ERC1: variants seen among roughly 807,000 people sequenced by gnomAD.
The protein encoded by ERC1 is RAB6 interacting protein 2.
ERC1 carries 56 observed loss-of-function variants against 132.0 expected under a neutral mutation model. The ratio of observed to expected loss-of-function variants is 0.42; its 90% CI spans 0.34 to 0.53. ERC1 has a LOEUF of 0.53. Among genes scored for constraint, ERC1 ranks in the 20% least tolerant of loss-of-function variants. The probability of loss-of-function intolerance (pLI) is 0.03; values close to 1 mark genes in which losing one functional copy is unlikely to be tolerated. For missense variants in ERC1, 1,202 were observed against 1,349.9 expected (o/e 0.89, Z 1.72); for synonymous variants, 478 against 476.1 (o/e 1.00, Z -0.05).
intron 13 of ERC1, among the ~76,000 whole-genome samples, chr12:1,258,123 A>G (rs753050879): frequency 6.6e-6 from 1 of 152,192 alleles, no homozygotes; most frequent in African/African-American, 2.4e-5. Context: ...AACAACAGGT[A>G]TGATTTTCTC....
chr12:1,190,562 A>G (rs1054002847), intron 12 of ERC1, among the ~76,000 whole-genome samples: 1 of 152,180 alleles, frequency 6.6e-6, no homozygotes, highest in Non-Finnish European at 1.5e-5. Flanking sequence ...CTTTGAGGAC[A>G]ATTTAGGAGC....
intron 16 of ERC1, among the ~76,000 whole-genome samples, chr12:1,391,914 T>G (rs1021954904): frequency 2.0e-5 from 3 of 152,362 alleles, no homozygotes; most frequent in Non-Finnish European, 2.9e-5. Flanking sequence ...TCCAGGGAGC[T>G]GCAGGTCACA....
chr12:1,228,996 C>T (rs1043068438), intron 12 of ERC1, among the ~76,000 whole-genome samples: 1 of 152,050 alleles, frequency 6.6e-6, no homozygotes, highest in African/African-American at 2.4e-5. Context: ...CCTTATCTGG[C>T]CTTGGTATAA....
At chr12:1,031,616 C>T (rs80183365) in intron 2 of ERC1, among the ~76,000 whole-genome samples, 13,709 of 152,204 alleles carry the variant, frequency 0.09, 758 homozygotes, top group South Asian at 0.18. Flanking sequence ...AACTACTTTG[C>T]TTTTACTTTT....
At chr12:1,259,731 G>A (rs75088663) in intron 13 of ERC1, among the ~76,000 whole-genome samples, 3,874 of 151,992 alleles carry the variant, frequency 0.025, 74 homozygotes, top group South Asian at 0.08. Context: ...CACCATGTTG[G>A]TCAGGCTGGT....
At chr12:1,414,061 C>G (rs911801655) in intron 17 of ERC1, among the ~76,000 whole-genome samples, 1 of 152,150 alleles carries the variant, frequency 6.6e-6, no homozygotes, top group African/African-American at 2.4e-5. Flanking sequence ...GGTTTGCGCT[C>G]CCGTGAGAAT....
At chr12:1,131,754 G>T (rs903979878) in intron 7 of ERC1, among the ~76,000 whole-genome samples, 15 of 152,136 alleles carry the variant, frequency 9.9e-5, no homozygotes, top group African/African-American at 3.1e-4. Flanking sequence ...GTGAGCCACC[G>T]CGCCCAGCCA....
chr12:1,387,538 C>T (rs7301869), intron 16 of ERC1, among the ~76,000 whole-genome samples: 34,115 of 152,174 alleles, frequency 0.22, 7,229 homozygotes, highest in African/African-American at 0.56. Context: ...TCTTGATTAT[C>T]CAGGTGGGGC....
chr12:1,186,109 A>G (rs1955064365), intron 11 of ERC1, among the ~76,000 whole-genome samples: 2 of 152,262 alleles, frequency 1.3e-5, no homozygotes, highest in Admixed American at 1.3e-4. Flanking sequence ...CAAAATTTAC[A>G]TAAATGTTTC....
At chr12:1,310,022 G>A (rs959803232) in intron 15 of ERC1, among the ~76,000 whole-genome samples, 12 of 151,402 alleles carry the variant, frequency 7.9e-5, no homozygotes, top group Non-Finnish European at 1.0e-4. Context: ...ATCTTGGCTC[G>A]CTGCAAGCTC....
chr12:1,032,280 A>G (rs889648996), intron 2 of ERC1, among the ~76,000 whole-genome samples: 1 of 152,044 alleles, frequency 6.6e-6, no homozygotes, highest in Admixed American at 6.6e-5. Flanking sequence ...TGAACTCCTG[A>G]CCTCGTGATC....
At chr12:1,248,484 T>A (rs12426509) in intron 13 of ERC1, among the ~76,000 whole-genome samples, 1 of 152,018 alleles carries the variant, frequency 6.6e-6, no homozygotes, top group Admixed American at 6.5e-5. Context: ...TGAAAAAGCC[T>A]TATAAAAAGT....
intron 1 of ERC1, among the ~76,000 whole-genome samples, chr12:1,014,211 T>G (rs1965149204): frequency 1.3e-5 from 2 of 152,202 alleles, no homozygotes; most frequent in Non-Finnish European, 2.9e-5. Flanking sequence ...GGTTTCACTC[T>G]GTTTCCCATG....
At chr12:1,069,086 A>T (rs1593089280) in intron 2 of ERC1, among the ~76,000 whole-genome samples, 1 of 152,366 alleles carries the variant, frequency 6.6e-6, no homozygotes, top group East Asian at 1.9e-4. Context: ...CTGCTAAGAC[A>T]GCTTTGTAAT....
At chr12:1,117,471 A>G (rs920921175) in intron 7 of ERC1, among the ~76,000 whole-genome samples, 4 of 152,024 alleles carry the variant, frequency 2.6e-5, no homozygotes, top group African/African-American at 4.8e-5. Context: ...CCTCACAGAG[A>G]TATTTGGGTA....
At chr12:1,428,905 C>T (rs1054656049) in intron 17 of ERC1, among the ~76,000 whole-genome samples, 23 of 152,138 alleles carry the variant, frequency 1.5e-4, no homozygotes, top group Admixed American at 9.8e-4. Context: ...GGATCTGGCT[C>T]GGCATTTCTG....
chr12:1,065,427 T>C (rs1286733159), intron 2 of ERC1, among the ~76,000 whole-genome samples: 1 of 152,014 alleles, frequency 6.6e-6, no homozygotes, highest in African/African-American at 2.4e-5. Flanking sequence ...TTGATATATA[T>C]CTCCTTGTTG....
At chr12:1,042,802 A>G (rs1565847513) in intron 2 of ERC1, among the ~76,000 whole-genome samples, 1 of 152,060 alleles carries the variant, frequency 6.6e-6, no homozygotes, top group Non-Finnish European at 1.5e-5. Context: ...TGTTCTTTTG[A>G]TTATCTTTCA....
At chr12:1,186,490 G>A (rs1282535997) in intron 11 of ERC1, among the ~76,000 whole-genome samples, 1 of 152,190 alleles carries the variant, frequency 6.6e-6, no homozygotes, top group Non-Finnish European at 1.5e-5. Context: ...AGTATTTTAA[G>A]GAGGATTATT....
Sources: allele counts gnomAD v4.1 joint callset (sites outside exome capture counted in the v4.1 genomes callset), GRCh38; gene constraint gnomAD v4.1.1; transcripts MANE v1.5; gene names NCBI Gene and HGNC (gene_info 2026-07-23, HGNC 2026-07-21).